Variants in CCDC158 observed in about 807,000 individuals in gnomAD.
CCDC158 encodes the protein coiled-coil domain-containing protein 158.
CCDC158 carries 116 observed loss-of-function variants against 138.6 expected under a neutral mutation model. The ratio of observed to expected loss-of-function variants is 0.84; its 90% CI spans 0.72 to 0.98. The LOEUF (loss-of-function observed/expected upper bound fraction) is 0.98. CCDC158 is among the 50% of genes least tolerant of loss of function. The pLI is 0.00. For synonymous variants in CCDC158, 436 were observed against 442.4 expected (o/e 0.99, Z 0.18); for missense variants, 1,265 against 1,306.1 (o/e 0.97, Z 0.48).
chr4:76,380,970 T>C (rs1726183264), intron 8 of CCDC158, among the ~76,000 whole-genome samples: 3 of 152,178 alleles, frequency 2.0e-5, no homozygotes, highest in African/African-American at 7.2e-5. Flanking sequence ...GCAGCTTCCA[T>C]GTGGTGTTGA....
intron 1 of CCDC158, among the ~76,000 whole-genome samples, chr4:76,416,403 C>T (rs1270708475): frequency 6.6e-5 from 10 of 152,172 alleles, no homozygotes; most frequent in Admixed American, 4.6e-4. Context: ...CTCTCATCTC[C>T]GCACACGGGG....
At chr4:76,360,845 C>T (rs1163311280) in intron 13 of CCDC158, among the ~76,000 whole-genome samples, 1 of 152,142 alleles carries the variant, frequency 6.6e-6, no homozygotes, top group Non-Finnish European at 1.5e-5. Flanking sequence ...TGAGTTAAGA[C>T]TTTGGGGGAC....
At chr4:76,326,458 G>A (rs1372384790) in intron 22 of CCDC158, among the ~76,000 whole-genome samples, 3 of 151,948 alleles carry the variant, frequency 2.0e-5, no homozygotes, top group Non-Finnish European at 4.4e-5. Flanking sequence ...TATAAATAAC[G>A]ACATAGATCT....
At position 76,371,472 on chromosome 4, in the gene CCDC158, C is replaced by T. The variant is rs759340288; in HGVS notation, c.1094G>A (p.Arg365His). The change falls in exon 10 of 25, where the codon CGT (arginine) becomes CAT (histidine). Residue 365 changes from arginine to histidine, a missense_variant. Coordinates refer to ENST00000682701, the MANE Select transcript of CCDC158 (RefSeq NM_001394954.1). ...TCCAGATTCCTGACTGAATTGATCACGCTCTGTCCGGGCTTCAGTTAGCTC... is the reference window on the plus strand; with the variant it reads ...TCCAGATTCCTGACTGAATTGATCATGCTCTGTCCGGGCTTCAGTTAGCTC... The part of the protein sequence containing the change: ...NSELTEARTE[R>H]DQFSQESGNL... The T allele has an allele frequency of 3.0e-5, 49 of 1,613,974 alleles. 1 individual carries two copies. The highest frequency in any genetic ancestry group is 5.5e-5 in the South Asian group (5 of 91,088).
rs372256165 is a variant in CCDC158, at chr4:76,332,505, A to T, written c.2823-14T>A. 147 of 1,584,136 alleles carry T rather than the reference A, an allele frequency of 9.3e-5. No individual in the cohort carries two copies. The highest frequency in any genetic ancestry group is 7.5e-4 in the East Asian group (33 of 43,858). On this transcript the variant is annotated splice_polypyrimidine_tract_variant and intron_variant, in intron 19 of 24. Transcript: ENST00000682701. ...ACCCTATCCTCTCTGTATAGAAAAT[A>T]TAACTCTCAGTTAATCATATAAAGC... is the stretch of plus-strand genomic sequence containing the variant.
At chr4:76,409,175 T>G (rs1729089101) in intron 2 of CCDC158, among the ~76,000 whole-genome samples, 1 of 152,212 alleles carries the variant, frequency 6.6e-6, no homozygotes, top group Non-Finnish European at 1.5e-5. Context: ...TTTTCACTAT[T>G]TTAGACTGAC....
intron 18 of CCDC158, among the ~76,000 whole-genome samples, chr4:76,341,222 G>A (rs1423193935): frequency 6.6e-6 from 1 of 152,112 alleles, no homozygotes; most frequent in Non-Finnish European, 1.5e-5. Context: ...CATCAGTCAT[G>A]ATGTAAGATA....
intron 24 of CCDC158, among the ~76,000 whole-genome samples, chr4:76,322,115 A>G (rs1720076950): frequency 6.6e-6 from 1 of 152,100 alleles, no homozygotes; most frequent in African/African-American, 2.4e-5. Flanking sequence ...GTAACTAAAC[A>G]CCACATGTTC....
At chr4:76,355,174 G>T in intron 15 of CCDC158, 150 bp downstream of exon 15, 1 of 588,944 alleles carries the variant, frequency 1.7e-6, no homozygotes, top group Non-Finnish European at 3.0e-6. Context: ...CTGCTCAAAT[G>T]CTTTTCTAGG....
In CCDC158 at chr4:76,412,179, T is replaced by C. The variant is rs141410459; in HGVS notation, c.-116-47A>G. ...AATCTGTTCATTTATATATATTTCATTAACTGAAATTTATTATTTCAAAAG... is the reference window on the plus strand; with the variant it reads ...AATCTGTTCATTTATATATATTTCACTAACTGAAATTTATTATTTCAAAAG... On this transcript the variant is annotated intron_variant, in intron 1 of 24. Transcript: ENST00000682701. 1.7e-3 allele frequency: 263 copies of C among 152,372 alleles called. 2 individuals are homozygous for C. Among genetic ancestry groups the C allele is most frequent in the African/African-American group, 6.0e-3 (250 of 41,600 alleles). The allele number at this position is 152,372 out of a possible 1,614,324, so 9.4% of individuals were successfully genotyped here.
intron 2 of CCDC158, chr4:76,407,435 A>G (rs1728920605): frequency 6.6e-6 from 1 of 152,148 alleles, no homozygotes; most frequent in Non-Finnish European, 1.5e-5. Flanking sequence ...TTGAGGAAAA[A>G]AAAACCTTGC....
upstream of CCDC158, among the ~76,000 whole-genome samples, chr4:76,421,161 C>T (rs1052477752): frequency 1.7e-4 from 26 of 152,102 alleles, no homozygotes; most frequent in Admixed American, 1.4e-3. Flanking sequence ...CGTCACTCCT[C>T]GCGGCTGTGG....
intron 3 of CCDC158, among the ~76,000 whole-genome samples, chr4:76,401,871 T>C (rs1209886853): frequency 6.6e-6 from 1 of 152,070 alleles, no homozygotes; most frequent in Non-Finnish European, 1.5e-5. Context: ...GATGTGGCTA[T>C]GTAGGAAGTG....
At position 76,369,597 on chromosome 4, in the gene CCDC158, C is replaced by T. The variant is rs1725040054; in HGVS notation, c.1176G>A (p.Glu392=). ...TATTCTGCTCCTTCTCCAGACTCAG[C>T]TCCTTCTCCCTTTTGTGTAGATCAG... The part of the protein sequence containing the change: ...LLADLHKREK[E]LSLEKEQNKR... The change falls in exon 11 of 25, where the codon GAG becomes GAA. Residue 392 remains glutamate, a synonymous_variant. Coordinates refer to ENST00000682701, the MANE Select transcript of CCDC158 (RefSeq NM_001394954.1). 6.2e-7 allele frequency: 1 copy of T among 1,614,156 alleles called. No individual in the cohort carries two copies. The highest frequency in any genetic ancestry group is 8.5e-7 in the Non-Finnish European group (1 of 1,180,022).
At chr4:76,331,249 G>A (rs1274700012) in intron 21 of CCDC158, 95 bp downstream of exon 21, 9 of 1,092,734 alleles carry the variant, frequency 8.2e-6, no homozygotes, top group Non-Finnish European at 1.1e-5. Context: ...GTCTACTGCA[G>A]TGCATGGCAC....
intron 1 of CCDC158, among the ~76,000 whole-genome samples, chr4:76,416,356 C>G (rs1729697154): frequency 6.6e-6 from 1 of 152,162 alleles, no homozygotes; most frequent in Non-Finnish European, 1.5e-5. Flanking sequence ...GCCCAGCTGT[C>G]TTTTATCTCT....
intron 18 of CCDC158, among the ~76,000 whole-genome samples, chr4:76,339,646 A>T (rs1410078408): frequency 6.6e-6 from 1 of 152,200 alleles, no homozygotes; most frequent in Non-Finnish European, 1.5e-5. Context: ...TATCAGGGAA[A>T]CTGGTCATTT....
At chr4:76,341,928 T>C (rs915556097) in intron 18 of CCDC158, among the ~76,000 whole-genome samples, 10 of 152,240 alleles carry the variant, frequency 6.6e-5, no homozygotes, top group African/African-American at 2.4e-4. Context: ...ATATAGGGTA[T>C]CTATTTACGT....
At chr4:76,412,960 T>G (rs1729408188) in intron 1 of CCDC158, among the ~76,000 whole-genome samples, 2 of 152,198 alleles carry the variant, frequency 1.3e-5, no homozygotes, top group Non-Finnish European at 1.5e-5. Context: ...CAGTCCAAAC[T>G]GACTTAAATA....
Sources: gnomAD v4.1 joint callset for allele counts (sites outside exome capture counted in the v4.1 genomes callset) on GRCh38, gnomAD v4.1.1 for gene constraint, MANE v1.5 for transcripts, NCBI Gene and HGNC (gene_info 2026-07-23, HGNC 2026-07-21) for gene names.